PTPRN2: variants seen among roughly 807,000 people sequenced by gnomAD.
PTPRN2 encodes the protein protein tyrosine phosphatase receptor type N2.
PTPRN2 carries 74 observed loss-of-function variants against 118.8 expected under a neutral mutation model. The ratio of observed to expected loss-of-function variants is 0.62; its 90% CI spans 0.52 to 0.76. The LOEUF is 0.76. Ranked by LOEUF, PTPRN2 falls within the 30% of genes least tolerant of loss-of-function variation. The probability of loss-of-function intolerance (pLI) is 0.00; values close to 1 mark genes in which losing one functional copy is unlikely to be tolerated. For synonymous variants in PTPRN2, 641 were observed against 608.0 expected (o/e 1.05, Z -0.80); for missense variants, 1,481 against 1,394.4 (o/e 1.06, Z -0.99).
intron 6 of PTPRN2, among the ~76,000 whole-genome samples, chr7:158,149,503 T>A (rs1287323518): frequency 6.6e-6 from 1 of 152,176 alleles, no homozygotes; most frequent in East Asian, 1.9e-4. Flanking sequence ...AACTCACTGA[T>A]TTTTAAAAAG....
rs996228017 is a variant in PTPRN2 at position 157,787,653 on chromosome 7, T to TC, written c.1789-104717dup. Among the ~76,000 whole-genome samples the TC allele has an allele frequency of 9.9e-5, 15 of 152,216 alleles. No homozygotes were observed. The highest frequency in any genetic ancestry group is 3.6e-4 in the African/African-American group (15 of 41,528). ...CATGCATTTCACACTGACCGGGGCC[T>TC]CCCTGGGACACCCTGAACACCTGCT... On this transcript the variant is annotated intron_variant, in intron 12 of 22. Transcript: ENST00000389418. This position sits in a 1 kb window ranked among gnomAD's most constrained non-coding sequence, Gnocchi z 5.3.
At position 158,570,949 on chromosome 7, in the gene PTPRN2, C is replaced by T. The variant is rs2129451482; in HGVS notation, c.112+16609G>A. Among the ~76,000 whole-genome samples, 1 of 152,368 alleles carries T rather than the reference C, an allele frequency of 6.6e-6. No homozygotes were observed. Among genetic ancestry groups the T allele is most frequent in the Admixed American group, 6.5e-5 (1 of 15,314 alleles). On this transcript the variant is annotated intron_variant, in intron 1 of 22. Transcript: ENST00000389418. The surrounding 1 kb of genome is among the most constrained non-coding windows in gnomAD (Gnocchi z 4.5). Reference sequence around the variant, plus strand: ...ACCCCTGCAGAGCAAAGCCCGGGTCCCGGATGGCAAAGCCATACGCAGGAG... The same window carrying T: ...ACCCCTGCAGAGCAAAGCCCGGGTCTCGGATGGCAAAGCCATACGCAGGAG...
chr7:157,803,544 T>C (rs1454530023), intron 12 of PTPRN2, among the ~76,000 whole-genome samples: 1 of 152,248 alleles, frequency 6.6e-6, no homozygotes, highest in Non-Finnish European at 1.5e-5. Context: ...CCGTGTTTTC[T>C]TCTAGTACGT....
At chr7:158,432,702 T>G (rs1346388146) in intron 2 of PTPRN2, among the ~76,000 whole-genome samples, 3 of 152,220 alleles carry the variant, frequency 2.0e-5, no homozygotes, top group Non-Finnish European at 4.4e-5. Context: ...CACAGCTTGG[T>G]GCTGCCTGAA....
intron 11 of PTPRN2, among the ~76,000 whole-genome samples, chr7:157,971,643 C>A (rs919924889): frequency 6.6e-6 from 1 of 151,660 alleles, no homozygotes; most frequent in Non-Finnish European, 1.5e-5. Context: ...GCATTTCTTG[C>A]ACACTTTGAT....
At chr7:157,745,931 A>G (rs1257038463) in intron 12 of PTPRN2, among the ~76,000 whole-genome samples, 1 of 151,686 alleles carries the variant, frequency 6.6e-6, no homozygotes, top group African/African-American at 2.4e-5. Flanking sequence ...ACCATAGTCC[A>G]TACAGGGCCT....
chr7:157,907,553 TCTCC>T (rs1797847015), intron 11 of PTPRN2, among the ~76,000 whole-genome samples: 1 of 143,392 alleles, frequency 7.0e-6, no homozygotes, highest in South Asian at 2.3e-4. Context: ...GGTGGCAGTA[TCTCC>T]CTGTCTCCTG....
chr7:158,064,122 G>A (rs1258010361), intron 11 of PTPRN2, among the ~76,000 whole-genome samples: 1 of 152,226 alleles, frequency 6.6e-6, no homozygotes, highest in African/African-American at 2.4e-5. Flanking sequence ...GAGGCGACGA[G>A]GTCTCAGCCT....
intron 1 of PTPRN2, among the ~76,000 whole-genome samples, chr7:158,494,918 C>A (rs934497719): frequency 4.6e-5 from 7 of 152,182 alleles, no homozygotes; most frequent in African/African-American, 1.4e-4. Context: ...CTATACCCAG[C>A]CTTTTCCTCC....
intron 12 of PTPRN2, among the ~76,000 whole-genome samples, chr7:157,821,182 G>T (rs1001430816): frequency 6.6e-6 from 1 of 152,228 alleles, no homozygotes; most frequent in African/African-American, 2.4e-5. Context: ...GTGGAAGAAG[G>T]CAACTCACCT....
chr7:158,393,666 T>G (rs1381534638), intron 2 of PTPRN2, among the ~76,000 whole-genome samples: 1 of 152,180 alleles, frequency 6.6e-6, no homozygotes, highest in Non-Finnish European at 1.5e-5. Context: ...TTTCACAGCT[T>G]AGTGGGGGAT....
chr7:157,817,639 A>G (rs553136834), intron 12 of PTPRN2, among the ~76,000 whole-genome samples: 7 of 152,370 alleles, frequency 4.6e-5, no homozygotes, highest in Admixed American at 1.3e-4. Context: ...CGACCTGCAC[A>G]AAGCAGCATC....
rs940876976 is a variant in PTPRN2, at chr7:157,881,191, T to C, written c.1788+17482A>G. On this transcript the variant is annotated intron_variant, in intron 12 of 22. Coordinates refer to ENST00000389418, the MANE Select transcript of PTPRN2 (RefSeq NM_002847.5). The surrounding 1 kb of genome is among the most constrained non-coding windows in gnomAD (Gnocchi z 4.7). Reference sequence around the variant, plus strand: ...GAATCATTACGGTAAAATGAGGTCATGAGGGTATGTGGAGATGGGGGTGTT... The same window carrying C: ...GAATCATTACGGTAAAATGAGGTCACGAGGGTATGTGGAGATGGGGGTGTT... Among the ~76,000 whole-genome samples the C allele has an allele frequency of 1.3e-5, 2 of 150,404 alleles. No individual in the cohort carries two copies. The highest frequency in any genetic ancestry group is 4.9e-5 in the African/African-American group (2 of 41,210).
chr7:158,122,736 T>C (rs1817273057), intron 9 of PTPRN2, among the ~76,000 whole-genome samples: 1 of 152,108 alleles, frequency 6.6e-6, no homozygotes, highest in Admixed American at 6.5e-5. Flanking sequence ...ATTACACTAC[T>C]AGGAAACTCC....
At chr7:157,982,099 C>CT (rs1803236341) in intron 11 of PTPRN2, among the ~76,000 whole-genome samples, 2 of 140,170 alleles carry the variant, frequency 1.4e-5, no homozygotes, top group Non-Finnish European at 3.2e-5. Context: ...CTCTAAACCC[C>CT]GAGTCACAGA....
chr7:157,583,681 C>T lies in PTPRN2; in HGVS notation c.2497-5541G>A, dbSNP rs906284184. On this transcript the variant is annotated intron_variant, in intron 17 of 22. Transcript: ENST00000389418. This position sits in a 1 kb window ranked among gnomAD's most constrained non-coding sequence, Gnocchi z 5.5. The stretch of plus-strand genomic sequence containing the variant: ...GGCGAATCACTTGAGGTCAGGAGTT[C>T]GAGACTAGCCTCGCCAACATGGCAA... Among the ~76,000 whole-genome samples, 3 of 152,148 alleles carry T rather than the reference C, an allele frequency of 2.0e-5. No individual in the cohort carries two copies. The highest frequency in any genetic ancestry group is 4.8e-5 in the African/African-American group (2 of 41,424).
chr7:157,966,811 C>G (rs555176209), intron 11 of PTPRN2, among the ~76,000 whole-genome samples: 1 of 152,280 alleles, frequency 6.6e-6, no homozygotes, highest in South Asian at 2.1e-4. Flanking sequence ...CCACCATCAT[C>G]TTCATTATCA....
At chr7:158,171,304 CACACATATATATATATATAT>C (rs1823642864) in intron 5 of PTPRN2, among the ~76,000 whole-genome samples, 5 of 28,088 alleles carry the variant, frequency 1.8e-4, no homozygotes, top group Non-Finnish European at 1.9e-4. Flanking sequence ...CATATATATA[CACACATATATATATATATAT>C]ATATATATAT....
chr7:158,440,313 G>A (rs1816897459), intron 2 of PTPRN2, among the ~76,000 whole-genome samples: 1 of 152,346 alleles, frequency 6.6e-6, no homozygotes, highest in East Asian at 1.9e-4. Context: ...TCAAATCAGA[G>A]GCTGTGGTGG....
Sources: gnomAD v4.1 joint callset for allele counts (sites outside exome capture counted in the v4.1 genomes callset) on GRCh38, gnomAD v4.1.1 for gene constraint, Gnocchi (gnomAD v3.1) non-coding constraint, MANE v1.5 for transcripts, NCBI Gene and HGNC (gene_info 2026-07-23, HGNC 2026-07-21) for gene names.